The following LSMEM2 variants were observed in gnomAD, a reference collection of about 807,000 sequenced individuals.
The protein encoded by LSMEM2 is leucine-rich single-pass membrane protein 2.
LSMEM2 carries 20 observed loss-of-function variants against 17.3 expected under a neutral mutation model. The ratio of observed to expected loss-of-function variants is 1.16; its 90% CI spans 0.81 to 1.68. The LOEUF is 1.68. Ranked by LOEUF, LSMEM2 falls within the 40% of genes most tolerant of loss-of-function variation. The probability of loss-of-function intolerance (pLI) is 0.00; values close to 1 mark genes in which losing one functional copy is unlikely to be tolerated. For missense variants in LSMEM2, 207 were observed against 214.3 expected (o/e 0.97, Z 0.21); for synonymous variants, 94 against 97.8 (o/e 0.96, Z 0.23).
chr3:50,287,411 C>A lies in LSMEM2; in HGVS notation c.*209C>A. The A allele has an allele frequency of 1.4e-6, 1 of 701,014 alleles. No homozygotes were observed. The highest frequency in any genetic ancestry group is 1.9e-5 in the South Asian group (1 of 52,720). 43.4% of individuals were successfully genotyped at this position (701,014 alleles called of 1,614,324 possible). A position where few individuals can be genotyped will look rare whatever the true frequency, so the allele number is the denominator to read the frequency against. On this transcript the variant is annotated 3_prime_UTR_variant, in exon 4 of 4. Coordinates refer to ENST00000316436, the MANE Select transcript of LSMEM2 (RefSeq NM_153215.3). ...CTAGCCAAGCCTCTGGTGCCAAAGCCTCGCTTTGGGTGGCCCAAGGTCAGG... is the reference window on the plus strand; with the variant it reads ...CTAGCCAAGCCTCTGGTGCCAAAGCATCGCTTTGGGTGGCCCAAGGTCAGG...
intron 1 of LSMEM2, among the ~76,000 whole-genome samples, chr3:50,286,099 T>C (rs1367046109): frequency 6.6e-6 from 1 of 152,236 alleles, no homozygotes; most frequent in Non-Finnish European, 1.5e-5. Flanking sequence ...GACCAGAAGA[T>C]GCCAGGCATT....
intron 1 of LSMEM2, among the ~76,000 whole-genome samples, chr3:50,283,352 G>T (rs1701441492): frequency 6.6e-6 from 1 of 152,082 alleles, no homozygotes; most frequent in Admixed American, 6.6e-5. Context: ...AATTGGCCGG[G>T]CGCGGTGGTT....
rs1553707457 is a variant in LSMEM2, at chr3:50,279,096, G to A, written c.-18G>A. On this transcript the variant is annotated 5_prime_UTR_variant, in exon 1 of 4. Transcript: ENST00000316436. ...TCACAAAGGAGCCACTGCTGCATTT[G>A]TCCAGTCCTGCTACTGGATGCCATC... 6.2e-7 allele frequency: 1 copy of A among 1,613,962 alleles called. No individual in the cohort carries two copies. The highest frequency in any genetic ancestry group is 1.1e-5 in the South Asian group (1 of 91,084).
Position 50,287,176 on chromosome 3 carries a change from T to A in LSMEM2, c.469T>A (p.Ser157Thr). The A allele has an allele frequency of 1.2e-6, 2 of 1,608,964 alleles. No homozygotes were observed. The highest frequency in any genetic ancestry group is 1.7e-6 in the Non-Finnish European group (2 of 1,179,060). ...ASLSQLRRLN[S>T]SEAQAPS is the part of the protein sequence containing the mutation. ...CCTCAGCCAGCTTCGGAGGCTCAAC[T>A]CCAGTGAGGCCCAAGCACCCAGCTG... The change falls in exon 4 of 4, where the codon TCC (serine) becomes ACC (threonine). Residue 157 changes from serine (S) to threonine (T), a missense_variant. Coordinates refer to ENST00000316436, the MANE Select transcript of LSMEM2 (RefSeq NM_153215.3).
intron 1 of LSMEM2, among the ~76,000 whole-genome samples, chr3:50,280,177 C>CTT (rs10656924): frequency 3.4e-5 from 4 of 117,666 alleles, no homozygotes; most frequent in African/African-American, 3.5e-5. Context: ...CTGGCCTCAA[C>CTT]TTTTTTTTTT....
intron 1 of LSMEM2, among the ~76,000 whole-genome samples, chr3:50,280,218 G>A (rs1394427648): frequency 1.4e-5 from 2 of 142,122 alleles, no homozygotes; most frequent in Admixed American, 7.2e-5. Flanking sequence ...GCAGTGGTGC[G>A]GTCTCGGCTC....
chr3:50,281,295 C>T (rs587617819), intron 1 of LSMEM2, among the ~76,000 whole-genome samples: 2 of 150,028 alleles, frequency 1.3e-5, no homozygotes, highest in African/African-American at 2.5e-5. Flanking sequence ...CTCCTGACCT[C>T]GTGACCTGCC....
intron 1 of LSMEM2, among the ~76,000 whole-genome samples, chr3:50,283,502 C>T (rs897197874): frequency 1.3e-5 from 2 of 151,936 alleles, no homozygotes; most frequent in Non-Finnish European, 2.9e-5. Flanking sequence ...CAGCGGACGC[C>T]TGTAGTCCCA....
chr3:50,285,019 G>C (rs1701482684), intron 1 of LSMEM2, among the ~76,000 whole-genome samples: 1 of 151,198 alleles, frequency 6.6e-6, no homozygotes, highest in Admixed American at 6.6e-5. Flanking sequence ...CTGGGCAACA[G>C]AGCAAGACTC....
intron 1 of LSMEM2, among the ~76,000 whole-genome samples, chr3:50,283,723 C>T (rs755953835): frequency 2.7e-5 from 4 of 149,990 alleles, no homozygotes; most frequent in Non-Finnish European, 4.4e-5. Flanking sequence ...CCCTTGAACC[C>T]GGGAGGCGGA....
intron 1 of LSMEM2, among the ~76,000 whole-genome samples, chr3:50,284,322 C>T (rs1701468971): frequency 6.6e-6 from 1 of 151,746 alleles, no homozygotes; most frequent in Non-Finnish European, 1.5e-5. Context: ...TATATGTGTG[C>T]ACGTGTGCAT....
intron 1 of LSMEM2, among the ~76,000 whole-genome samples, chr3:50,283,871 C>G (rs1553708065): frequency 6.6e-6 from 1 of 151,944 alleles, no homozygotes; most frequent in Admixed American, 6.6e-5. Context: ...GTACACAGAC[C>G]CAAGTGACTA....
upstream of LSMEM2, chr3:50,278,904 C>T: frequency 1.7e-6 from 1 of 580,566 alleles, no homozygotes; most frequent in Non-Finnish European, 3.1e-6. Context: ...CTAGTGGAGG[C>T]AGGCTCCTGG....
rs1553708739 is a variant in LSMEM2 at position 50,287,234 on chromosome 3, G to GTGTT, written c.*33_*36dup. The GTGTT allele has an allele frequency of 1.2e-6, 2 of 1,610,440 alleles. No homozygotes were observed. The highest frequency in any genetic ancestry group is 1.7e-6 in the Non-Finnish European group (2 of 1,178,330). ...ATTTGGATCTGGGGCCTGGGGGTGTGTGTTGGTGGGGGAATAAAGTGGCTA... is the reference window on the plus strand; with the variant it reads ...ATTTGGATCTGGGGCCTGGGGGTGTGTGTTTGTTGGTGGGGGAATAAAGTGGCTA... On this transcript the variant is annotated 3_prime_UTR_variant, in exon 4 of 4. Transcript: ENST00000316436.
In LSMEM2 at chr3:50,279,182, G is replaced by C. The variant is rs781933659; in HGVS notation, c.58+11G>C. 3.5e-5 allele frequency: 57 copies of C among 1,613,914 alleles called. No individual in the cohort carries two copies. The South Asian group carries it at 4.9e-4, about 14-fold the overall frequency. ...AGGAGACCCAAGAAGGTAGGAGAGG[G>C]TGACCATGAGGGAGGGCAAGGCCTC... On this transcript the variant is annotated intron_variant, in intron 1 of 3. Coordinates refer to ENST00000316436, the MANE Select transcript of LSMEM2 (RefSeq NM_153215.3).
chr3:50,286,916 G>A, intron 3 of LSMEM2, 54 bp downstream of exon 3: 2 of 1,600,744 alleles, frequency 1.2e-6, no homozygotes, highest in Non-Finnish European at 1.7e-6. Context: ...TGGGGACTGG[G>A]AGGCCCTTCT....
At position 50,286,698 on chromosome 3, in the gene LSMEM2, C is replaced by T; in HGVS notation, c.197C>T (p.Thr66Ile). The T allele has an allele frequency of 6.2e-7, 1 of 1,614,102 alleles. No individual in the cohort carries two copies. Among genetic ancestry groups the T allele is most frequent in the South Asian group, 1.1e-5 (1 of 91,070 alleles). ...SGAGTLRPYL[T>I]EEARPWDELL... ...GCAGGCACACTGCGCCCCTATCTAA[C>T]TGAAGAGGCACGACCGTGGGATGAG... Residue 66 changes from threonine to isoleucine, a missense_variant, in exon 3 of 4, where the codon ACT (threonine) becomes ATT (isoleucine). Coordinates refer to ENST00000316436, the MANE Select transcript of LSMEM2 (RefSeq NM_153215.3).
At position 50,287,303 on chromosome 3, in the gene LSMEM2, CTA is replaced by C; in HGVS notation, c.*103_*104del. On this transcript the variant is annotated 3_prime_UTR_variant, in exon 4 of 4. Coordinates refer to ENST00000316436, the MANE Select transcript of LSMEM2 (RefSeq NM_153215.3). Reference sequence around the variant, plus strand: ...CCTACTGCTGGCTGCCACATCTACACTATTTCCTTGGTGAGATTTTTGTACAA... The same window carrying C: ...CCTACTGCTGGCTGCCACATCTACACTTTCCTTGGTGAGATTTTTGTACAA... 1 of 1,467,124 alleles carries C rather than the reference CTA, an allele frequency of 6.8e-7. No homozygotes were observed. The highest frequency in any genetic ancestry group is 9.4e-7 in the Non-Finnish European group (1 of 1,063,602). The allele number at this position is 1,467,124 out of a possible 1,614,324, so 90.9% of individuals were successfully genotyped here.
intron 2 of LSMEM2, 37 bp downstream of exon 2, chr3:50,286,621 G>A (rs1294045816): frequency 1.9e-6 from 3 of 1,611,408 alleles, no homozygotes; most frequent in East Asian, 2.2e-5. Flanking sequence ...TGTGCTGGGG[G>A]AGGGGACGAA....
Sources: allele counts gnomAD v4.1 joint callset (sites outside exome capture counted in the v4.1 genomes callset), GRCh38; gene constraint gnomAD v4.1.1; transcripts MANE v1.5; gene names NCBI Gene and HGNC (gene_info 2026-07-23, HGNC 2026-07-21).